Variants in SCN3A observed in about 807,000 individuals in gnomAD.
SCN3A encodes the protein sodium channel protein type 3 subunit alpha.
In SCN3A, 60 loss-of-function variants were observed where a neutral mutation model predicts 187.6. That is an observed-to-expected ratio of 0.32 (90% CI 0.26 to 0.40). The LOEUF (loss-of-function observed/expected upper bound fraction) is 0.40. Among genes scored for constraint, SCN3A ranks in the 10% least tolerant of loss-of-function variants. The pLI is 1.00. For synonymous variants in SCN3A, 788 were observed against 829.2 expected (o/e 0.95, Z 0.85); for missense variants, 1,601 against 2,428.2 (o/e 0.66, Z 7.16).
intron 1 of SCN3A, among the ~76,000 whole-genome samples, chr2:165,198,441 C>T (rs1321042814): frequency 6.6e-6 from 1 of 151,970 alleles, no homozygotes; most frequent in African/African-American, 2.4e-5. Context: ...GAAAAAGAAA[C>T]CTTGCAATTC....
intron 1 of SCN3A, among the ~76,000 whole-genome samples, chr2:165,189,943 G>T (rs1231646941): frequency 2.0e-5 from 3 of 152,172 alleles, no homozygotes; most frequent in Admixed American, 6.5e-5. Flanking sequence ...TCATGCAGTA[G>T]GCTGTAAAAT....
chr2:165,134,561 T>C (rs903217779), intron 15 of SCN3A, among the ~76,000 whole-genome samples: 10 of 152,160 alleles, frequency 6.6e-5, no homozygotes, highest in Non-Finnish European at 1.3e-4. Flanking sequence ...AGTCATCCAT[T>C]CACTCAAATA....
At chr2:165,111,323 G>C (rs78505939) in intron 21 of SCN3A, among the ~76,000 whole-genome samples, 4 of 152,044 alleles carry the variant, frequency 2.6e-5, no homozygotes, top group Non-Finnish European at 5.9e-5. Flanking sequence ...CAAGAAGAGC[G>C]AAACTCCGTC....
In SCN3A at chr2:165,113,897, T is replaced by A; in HGVS notation, c.3588A>T (p.Arg1196=). Residue 1196 remains arginine, a synonymous_variant, in exon 20 of 28, where the codon CGA becomes CGT. Coordinates refer to ENST00000283254, the MANE Select transcript of SCN3A (RefSeq NM_006922.4). ...GCTCAACAATACTGTAGCAGGTTTT[T>A]CGAAGATTCCACCAGATCTTCCCTT... ...EGKGKIWWNL[R]KTCYSIVEHN... 1 of 1,613,784 alleles carries A rather than the reference T, an allele frequency of 6.2e-7. No individual in the cohort carries two copies. Among genetic ancestry groups the A allele is most frequent in the South Asian group, 1.1e-5 (1 of 91,080 alleles).
intron 2 of SCN3A, among the ~76,000 whole-genome samples, chr2:165,180,928 G>A (rs1172834789): frequency 6.6e-6 from 1 of 151,736 alleles, no homozygotes; most frequent in Non-Finnish European, 1.5e-5. Context: ...GTTTATCGGG[G>A]GACTTAGCTA....
intron 18 of SCN3A, among the ~76,000 whole-genome samples, chr2:165,118,147 A>G (rs1398542089): frequency 6.6e-6 from 1 of 152,194 alleles, no homozygotes; most frequent in Admixed American, 6.5e-5. Flanking sequence ...GACATAAATA[A>G]TCTCTAATAG....
At chr2:165,154,693 T>C (rs769261203) in intron 10 of SCN3A, 35 bp from the exon 11 acceptor site, 1 of 1,559,616 alleles carries the variant, frequency 6.4e-7, no homozygotes, top group East Asian at 2.2e-5. Flanking sequence ...ATCAGTATTT[T>C]AGTATAATGT....
chr2:165,115,429 A>G lies in SCN3A; in HGVS notation c.3514+26T>C, dbSNP rs750465543. On this transcript the variant is annotated intron_variant, in intron 19 of 27. Coordinates refer to ENST00000283254, the MANE Select transcript of SCN3A (RefSeq NM_006922.4). ...TCCGTAAAGAACAAGGGGAGATTGT[A>G]TTTAATCACATCAGAGCTTGTTTAC... 6.8e-6 allele frequency: 11 copies of G among 1,613,344 alleles called. No homozygotes were observed. In the South Asian group the frequency reaches 1.2e-4, roughly 18 times the overall value.
intron 1 of SCN3A, among the ~76,000 whole-genome samples, chr2:165,188,472 A>G (rs1222196336): frequency 6.6e-6 from 1 of 152,194 alleles, no homozygotes; most frequent in African/African-American, 2.4e-5. Flanking sequence ...ACTCTAAGCA[A>G]TTCTGAACTT....
chr2:165,195,858 A>G lies in SCN3A; in HGVS notation c.-248+7965T>C, dbSNP rs1292054843. On this transcript the variant is annotated intron_variant, in intron 1 of 27. Coordinates refer to ENST00000283254, the MANE Select transcript of SCN3A (RefSeq NM_006922.4). ...AGTGTTTATTTGCATGAAAATCTGC[A>G]TCTTGATTTGGATGTGCTCTGCCAC... 3.3e-5 allele frequency among the ~76,000 whole-genome samples: 5 copies of G among 152,108 alleles called. No homozygotes were observed. In the East Asian group the frequency reaches 7.7e-4, roughly 24 times the overall value.
intron 23 of SCN3A, among the ~76,000 whole-genome samples, 157 bp downstream of exon 23, chr2:165,097,095 T>C (rs986773773): frequency 6.6e-6 from 1 of 152,176 alleles, no homozygotes; most frequent in Non-Finnish European, 1.5e-5. Context: ...AATTGTAACA[T>C]CTTTTTTATG....
rs577081166 is a variant in SCN3A, at chr2:165,178,134, G to A, written c.-50-1690C>T. On this transcript the variant is annotated intron_variant, in intron 2 of 27. Transcript: ENST00000283254. ...AGAAAAACAATATAGCTTATTATGT[G>A]TGTGGGGGTTTTTTTGCTTATATCT... Among the ~76,000 whole-genome samples, 29 of 152,250 alleles carry A rather than the reference G, an allele frequency of 1.9e-4. No individual in the cohort carries two copies. The South Asian group carries it at 5.8e-3, about 30-fold the overall frequency.
chr2:165,117,336 C>A (rs934522525), intron 18 of SCN3A, among the ~76,000 whole-genome samples: 2 of 152,110 alleles, frequency 1.3e-5, no homozygotes, highest in African/African-American at 4.8e-5. Flanking sequence ...TTAATAACTT[C>A]TGAGCCTTAT....
chr2:165,126,848 C>G (rs1574156124), intron 18 of SCN3A, among the ~76,000 whole-genome samples: 1 of 152,122 alleles, frequency 6.6e-6, no homozygotes, highest in Non-Finnish European at 1.5e-5. Context: ...ATAAGTACTA[C>G]TTGTACTTTC....
intron 24 of SCN3A, 27 bp downstream of exon 24, chr2:165,096,440 T>C (rs748601502): frequency 6.3e-7 from 1 of 1,575,390 alleles, no homozygotes. Context: ...ATCTAGAACC[T>C]ATAAATAATA....
intron 3 of SCN3A, among the ~76,000 whole-genome samples, chr2:165,172,052 G>T (rs1559259905): frequency 6.6e-6 from 1 of 152,080 alleles, no homozygotes. Context: ...TGCTTTGTTT[G>T]AGTAGGTAGA....
intron 18 of SCN3A, among the ~76,000 whole-genome samples, chr2:165,123,299 A>AAT (rs1388411346): frequency 6.6e-6 from 1 of 152,150 alleles, no homozygotes; most frequent in Non-Finnish European, 1.5e-5. Flanking sequence ...ATACAGATGT[A>AAT]ATATATATAC....
intron 21 of SCN3A, among the ~76,000 whole-genome samples, chr2:165,109,759 T>G (rs1459553136): frequency 6.6e-6 from 1 of 152,180 alleles, no homozygotes; most frequent in Non-Finnish European, 1.5e-5. Context: ...TGCTGGGGCT[T>G]CTCATGGTCA....
At chr2:165,169,050 T>G (rs376625590) in intron 4 of SCN3A, among the ~76,000 whole-genome samples, 10 of 149,304 alleles carry the variant, frequency 6.7e-5, no homozygotes, top group Middle Eastern at 3.4e-3. Flanking sequence ...AATAGAAAAA[T>G]GATCTCTATT....
Sources: gnomAD v4.1 joint callset for allele counts (sites outside exome capture counted in the v4.1 genomes callset) on GRCh38, gnomAD v4.1.1 for gene constraint, MANE v1.5 for transcripts, NCBI Gene and HGNC (gene_info 2026-07-23, HGNC 2026-07-21) for gene names.